Variants in TYW1 observed in about 807,000 individuals in gnomAD.
TYW1 encodes tRNA-yW synthesizing protein 1 homolog.
In TYW1, 46 loss-of-function variants were observed where a neutral mutation model predicts 96.2. The ratio of observed to expected loss-of-function variants is 0.48; its 90% CI spans 0.38 to 0.61. TYW1 has a LOEUF of 0.61. Ranked by LOEUF, TYW1 falls within the 20% of genes least tolerant of loss-of-function variation. TYW1 has a pLI of 0.00. For synonymous variants in TYW1, 274 were observed against 323.0 expected (o/e 0.85, Z 1.63); for missense variants, 684 against 909.6 (o/e 0.75, Z 3.19).
chr7:67,041,738 C>T (rs1303176162), intron 7 of TYW1, among the ~76,000 whole-genome samples: 1 of 152,044 alleles, frequency 6.6e-6, no homozygotes, highest in East Asian at 1.9e-4. Context: ...AGAGTTGGGT[C>T]GAAGCACTGT....
chr7:67,166,658 T>C (rs2116242241), intron 13 of TYW1, among the ~76,000 whole-genome samples: 1 of 152,296 alleles, frequency 6.6e-6, no homozygotes, highest in Non-Finnish European at 1.5e-5. Flanking sequence ...GTATTTTTTC[T>C]TTATGTATGT....
At chr7:67,043,616 T>A in intron 7 of TYW1, among the ~76,000 whole-genome samples, 1 of 152,188 alleles carries the variant, frequency 6.6e-6, no homozygotes, top group Non-Finnish European at 1.5e-5. Context: ...TTCAGAATTA[T>A]TTTTAAGGCT....
intron 4 of TYW1, among the ~76,000 whole-genome samples, chr7:67,012,272 C>A (rs1270702482): frequency 6.6e-6 from 1 of 151,784 alleles, no homozygotes; most frequent in Non-Finnish European, 1.5e-5. Flanking sequence ...TGCTTAAACT[C>A]GGGAGGTGGA....
intron 11 of TYW1, among the ~76,000 whole-genome samples, chr7:67,085,683 A>C (rs1377360436): frequency 6.6e-6 from 1 of 152,208 alleles, no homozygotes; most frequent in Non-Finnish European, 1.5e-5. Flanking sequence ...ATAATTATTC[A>C]GTAGGCTTAG....
intron 12 of TYW1, among the ~76,000 whole-genome samples, chr7:67,111,109 C>T (rs1458296667): frequency 6.6e-6 from 1 of 152,092 alleles, no homozygotes; most frequent in Non-Finnish European, 1.5e-5. Flanking sequence ...GAATAGAATC[C>T]ATCTACAAGG....
At chr7:67,019,212 G>A (rs934992125) in intron 6 of TYW1, among the ~76,000 whole-genome samples, 9 of 152,162 alleles carry the variant, frequency 5.9e-5, no homozygotes, top group Non-Finnish European at 8.8e-5. Context: ...TGCTCTACAG[G>A]CTCACACCTT....
intron 5 of TYW1, 112 bp from the exon 6 acceptor site, chr7:67,017,741 A>C: frequency 7.0e-7 from 1 of 1,429,404 alleles, no homozygotes. Flanking sequence ...CCTCTTCCTT[A>C]GCGGCAGCCC....
At chr7:67,108,404 A>T (rs1797301856) in intron 12 of TYW1, among the ~76,000 whole-genome samples, 1 of 152,008 alleles carries the variant, frequency 6.6e-6, no homozygotes. Context: ...TCACAGAAAT[A>T]GAGCATTCCA....
chr7:67,004,089 G>A (rs965197522), intron 3 of TYW1, among the ~76,000 whole-genome samples: 3 of 152,032 alleles, frequency 2.0e-5, no homozygotes, highest in Non-Finnish European at 4.4e-5. Context: ...CTAAGTGTGC[G>A]AATTCTTTGT....
intron 13 of TYW1, among the ~76,000 whole-genome samples, chr7:67,125,623 C>T (rs1797891345): frequency 6.6e-6 from 1 of 152,130 alleles, no homozygotes. Flanking sequence ...TGTGGTTGTA[C>T]ATCTGTGGGT....
chr7:67,065,255 A>G (rs1428574612), intron 9 of TYW1, among the ~76,000 whole-genome samples: 1 of 152,216 alleles, frequency 6.6e-6, no homozygotes, highest in East Asian at 1.9e-4. Flanking sequence ...TTTTGGTCCC[A>G]TTCACGTGAC....
intron 12 of TYW1, among the ~76,000 whole-genome samples, chr7:67,099,308 A>G (rs1255860107): frequency 6.6e-6 from 1 of 152,156 alleles, no homozygotes; most frequent in Non-Finnish European, 1.5e-5. Flanking sequence ...CTGGCATTAC[A>G]GGTGTGAGCC....
chr7:67,160,686 G>A (rs545205853), intron 13 of TYW1, among the ~76,000 whole-genome samples: 1 of 150,284 alleles, frequency 6.7e-6, no homozygotes, highest in East Asian at 1.9e-4. Context: ...CTGCCTCCCG[G>A]GTTCAAGCAA....
chr7:67,173,625 C>A lies in TYW1; in HGVS notation c.1699-9501C>A, dbSNP rs532330714. Among the ~76,000 whole-genome samples, 73 of 138,114 alleles carry A rather than the reference C, an allele frequency of 5.3e-4. 2 individuals carry two copies. The highest frequency in any genetic ancestry group is 2.0e-3 in the African/African-American group (69 of 34,614). The allele number at this position is 138,114 out of a possible 152,430, so 90.6% of individuals were successfully genotyped here. ...TTCCAAATCTGTTTTCTTTGTATTC[C>A]CCTGTCTTGTCTTAACAACATTGAT... On this transcript the variant is annotated intron_variant, in intron 13 of 15. Coordinates refer to ENST00000359626, the MANE Select transcript of TYW1 (RefSeq NM_018264.4).
In TYW1 at chr7:67,049,726, T is replaced by C. The variant is rs546191966; in HGVS notation, c.985-223T>C. Among the ~76,000 whole-genome samples, 3 of 152,158 alleles carry C rather than the reference T, an allele frequency of 2.0e-5. No individual in the cohort carries two copies. The South Asian group carries it at 6.2e-4, about 32-fold the overall frequency. ...CATCCCCAGCTAATTTTTGTGTTTT[T>C]AGTAGAGATGAGGTTTCACCATCTT... On this transcript the variant is annotated intron_variant, in intron 7 of 15. Coordinates refer to ENST00000359626, the MANE Select transcript of TYW1 (RefSeq NM_018264.4).
At chr7:67,135,875 T>A (rs1395448692) in intron 13 of TYW1, among the ~76,000 whole-genome samples, 1 of 152,222 alleles carries the variant, frequency 6.6e-6, no homozygotes, top group Non-Finnish European at 1.5e-5. Context: ...CATTGGGTCC[T>A]GCAGAGAACA....
intron 8 of TYW1, among the ~76,000 whole-genome samples, chr7:67,052,079 T>C (rs1227914969): frequency 6.6e-6 from 1 of 152,118 alleles, no homozygotes; most frequent in Non-Finnish European, 1.5e-5. Flanking sequence ...ACTTGGAAGA[T>C]TTTCTCTTAA....
intron 11 of TYW1, among the ~76,000 whole-genome samples, chr7:67,084,834 G>T (rs1004367361): frequency 5.3e-5 from 8 of 152,146 alleles, no homozygotes; most frequent in African/African-American, 1.7e-4. Context: ...CAGGTTTCTG[G>T]TTGGTGTTGA....
chr7:67,188,719 C>G (rs865985187), intron 14 of TYW1, among the ~76,000 whole-genome samples: 4 of 152,120 alleles, frequency 2.6e-5, no homozygotes, highest in Non-Finnish European at 5.9e-5. Flanking sequence ...AGGGCCTTAC[C>G]CTCAAATGGC....
Sources: allele counts gnomAD v4.1 joint callset (sites outside exome capture counted in the v4.1 genomes callset), GRCh38; gene constraint gnomAD v4.1.1; transcripts MANE v1.5; gene names NCBI Gene and HGNC (gene_info 2026-07-23, HGNC 2026-07-21).